NAP1L1: variants seen among roughly 807,000 people sequenced by gnomAD.
NAP1L1 encodes nucleosome assembly protein 1 like 1.
In NAP1L1, 9 loss-of-function variants were observed where a neutral mutation model predicts 58.9. The ratio of observed to expected loss-of-function variants is 0.15; its 90% CI spans 0.09 to 0.27. The LOEUF (loss-of-function observed/expected upper bound fraction) is 0.27, where lower values mean the gene tolerates loss of function less well. Among genes scored for constraint, NAP1L1 ranks in the 10% least tolerant of loss-of-function variants. The pLI, the probability that NAP1L1 is intolerant of heterozygous loss-of-function variation, is 1.00. For missense variants in NAP1L1, 302 were observed against 458.8 expected, an observed-to-expected ratio of 0.66 and a Z score of 3.12; for synonymous variants, 130 against 138.3, an observed-to-expected ratio of 0.94 and a Z score of 0.42.
chr12:76,073,545 A>C (rs1474212348), intron 2 of NAP1L1, among the ~76,000 whole-genome samples: 1 of 152,176 alleles, frequency 6.6e-6, no homozygotes. Flanking sequence ...TATGACCCAG[A>C]TAGTCTTTCT....
In NAP1L1 at chr12:76,047,604, G is replaced by A. The variant is rs979511913; in HGVS notation, c.*825C>T. 2.0e-5 allele frequency: 3 copies of A among 151,748 alleles called. No homozygotes were observed. Among genetic ancestry groups the A allele is most frequent in the Non-Finnish European group, 4.4e-5 (3 of 67,816 alleles). 9.4% of individuals were successfully genotyped at this position (151,748 alleles called of 1,614,324 possible). On this transcript the variant is annotated 3_prime_UTR_variant, in exon 15 of 15. Transcript: ENST00000618691. Reference sequence around the variant, plus strand: ...TCTTGTAAGAACTAAAATTGTATTTGAAATTTTTATTTTAGCTGCAAAAAC... The same window carrying A: ...TCTTGTAAGAACTAAAATTGTATTTAAAATTTTTATTTTAGCTGCAAAAAC...
Position 76,053,217 on chromosome 12 carries a change from C to CA in NAP1L1, c.903dup (p.Ala302CysfsTer4). On this transcript the variant is annotated frameshift_variant, in exon 10 of 15. Transcript: ENST00000618691. LOFTEE classifies it high-confidence loss of function. ...AAACATTATTTACCTTCAGGAGGGG[C>CA]AAAAAAGTTAAAGAAAGAGTCATTG... is the stretch of plus-strand genomic sequence containing the variant. The CA allele has an allele frequency of 6.2e-7, 1 of 1,613,660 alleles. No individual in the cohort carries two copies. The highest frequency in any genetic ancestry group is 8.5e-7 in the Non-Finnish European group (1 of 1,179,840).
At chr12:76,061,410 T>C (rs1056476863) in intron 4 of NAP1L1, among the ~76,000 whole-genome samples, 2 of 152,190 alleles carry the variant, frequency 1.3e-5, no homozygotes, top group African/African-American at 4.8e-5. Context: ...GTTAGTTTGT[T>C]AAGGATAATA....
intron 2 of NAP1L1, among the ~76,000 whole-genome samples, chr12:76,073,156 G>GC (rs904597388): frequency 6.0e-5 from 9 of 150,340 alleles, no homozygotes; most frequent in African/African-American, 2.2e-4. Context: ...TCACTCATCT[G>GC]TTTTTTTTTA....
In NAP1L1 at chr12:76,056,026, A is replaced by C. The variant is rs753838886; in HGVS notation, c.558+7T>G. The C allele has an allele frequency of 6.2e-7, 1 of 1,610,166 alleles. No individual in the cohort carries two copies. The highest frequency in any genetic ancestry group is 1.3e-5 in the African/African-American group (1 of 74,676). On this transcript the variant is annotated splice_region_variant and intron_variant, in intron 7 of 14. Transcript: ENST00000618691. ...AAGTAAACTGGTACATTTATGAATAAAATTACCTGAACCATATCACTGAGC... is the reference window on the plus strand; with the variant it reads ...AAGTAAACTGGTACATTTATGAATACAATTACCTGAACCATATCACTGAGC...
chr12:76,081,228 G>A (rs1173623078), intron 1 of NAP1L1, among the ~76,000 whole-genome samples: 1 of 152,070 alleles, frequency 6.6e-6, no homozygotes, highest in Non-Finnish European at 1.5e-5. Flanking sequence ...CACTGCTCAC[G>A]TACGTAACCA....
intron 1 of NAP1L1, among the ~76,000 whole-genome samples, chr12:76,084,275 C>G (rs1057214399): frequency 6.6e-6 from 1 of 152,186 alleles, no homozygotes; most frequent in South Asian, 2.1e-4. Flanking sequence ...CTCCGGTCCA[C>G]GCGGAAAAGA....
At chr12:76,058,488 G>A (rs535999105) in intron 6 of NAP1L1, among the ~76,000 whole-genome samples, 1 of 151,176 alleles carries the variant, frequency 6.6e-6, no homozygotes, top group South Asian at 2.1e-4. Flanking sequence ...CCGAGTTCAA[G>A]TGATTCTCCT....
intron 6 of NAP1L1, chr12:76,057,477 A>T (rs1443255393): frequency 1.5e-6 from 1 of 653,510 alleles, no homozygotes; most frequent in East Asian, 2.9e-5. Context: ...TTGTCGGCTC[A>T]GCTGGCAACA....
At chr12:76,077,609 C>A (rs1438780947) in intron 1 of NAP1L1, among the ~76,000 whole-genome samples, 1 of 152,098 alleles carries the variant, frequency 6.6e-6, no homozygotes, top group Non-Finnish European at 1.5e-5. Flanking sequence ...ATTTGTTATA[C>A]ATTAAATTGC....
intron 2 of NAP1L1, among the ~76,000 whole-genome samples, chr12:76,070,935 C>T (rs1949925990): frequency 6.6e-6 from 1 of 152,098 alleles, no homozygotes. Context: ...TTCCGGAAGC[C>T]AAGGCAAGAG....
In NAP1L1 at chr12:76,037,237, T is replaced by A. The variant is rs1336272543; in HGVS notation, c.*11192A>T. On this transcript the variant is annotated 3_prime_UTR_variant, in exon 15 of 15. Transcript: ENST00000618691. Reference sequence around the variant, plus strand: ...TTAACACAGAACTATCCAGACTTCTTAGGTGGGTGTCCAGAGCTGCCTTCC... The same window carrying A: ...TTAACACAGAACTATCCAGACTTCTAAGGTGGGTGTCCAGAGCTGCCTTCC... 1 of 152,248 alleles carries A rather than the reference T, an allele frequency of 6.6e-6. No individual in the cohort carries two copies. The highest frequency in any genetic ancestry group is 1.5e-5 in the Non-Finnish European group (1 of 68,058). 9.4% of individuals were successfully genotyped at this position (152,248 alleles called of 1,614,324 possible). A position where few individuals can be genotyped will look rare whatever the true frequency, so the allele number is the denominator to read the frequency against.
chr12:76,062,905 C>G (rs1949484016), intron 4 of NAP1L1, among the ~76,000 whole-genome samples: 1 of 151,972 alleles, frequency 6.6e-6, no homozygotes, highest in Non-Finnish European at 1.5e-5. Flanking sequence ...TAAAGGTGTC[C>G]AGTGAGAAAG....
intron 3 of NAP1L1, chr12:76,067,690 C>T (rs919977563): frequency 2.4e-6 from 1 of 423,854 alleles, no homozygotes; most frequent in Non-Finnish European, 4.3e-6. Context: ...CTAGTCAAGA[C>T]AGTTCTCAAG....
chr12:76,050,401 G>A (rs1948762880), intron 12 of NAP1L1, 130 bp downstream of exon 12: 1 of 1,155,774 alleles, frequency 8.7e-7, no homozygotes. Context: ...GCTATATACA[G>A]AACATCAGTA....
At chr12:76,064,753 CT>C (rs1471367502) in intron 4 of NAP1L1, among the ~76,000 whole-genome samples, 1 of 151,556 alleles carries the variant, frequency 6.6e-6, no homozygotes, top group Non-Finnish European at 1.5e-5. Context: ...AAATATGAAA[CT>C]CCAAAACTGA....
intron 9 of NAP1L1, 30 bp from the exon 10 acceptor site, chr12:76,053,380 C>A (rs1314015936): frequency 6.3e-7 from 1 of 1,595,744 alleles, no homozygotes; most frequent in Admixed American, 1.8e-5. Flanking sequence ...AAATCTATTA[C>A]AATTGACAAT....
At chr12:76,049,848 G>GT in intron 12 of NAP1L1, 63 bp from the exon 13 acceptor site, 2 of 1,564,154 alleles carry the variant, frequency 1.3e-6, no homozygotes, top group Non-Finnish European at 1.8e-6. Flanking sequence ...AGTAGCATCA[G>GT]TAACATTTAT....
rs566125949 is a variant in NAP1L1 at position 76,036,969 on chromosome 12, G to T, written c.*11460C>A. The T allele has an allele frequency of 6.6e-6, 1 of 152,076 alleles. No individual in the cohort carries two copies. Among genetic ancestry groups the T allele is most frequent in the Non-Finnish European group, 1.5e-5 (1 of 68,026 alleles). The allele number at this position is 152,076 out of a possible 1,614,324, so 9.4% of individuals were successfully genotyped here. On this transcript the variant is annotated 3_prime_UTR_variant, in exon 15 of 15. Transcript: ENST00000618691. ...TGTAATCCCAGCTACTCGGGAGGCT[G>T]AGGCAGGAGAATTGCTTGAGCCAGG...
Sources: allele counts gnomAD v4.1 joint callset (sites outside exome capture counted in the v4.1 genomes callset), GRCh38; gene constraint gnomAD v4.1.1; transcripts MANE v1.5; gene names NCBI Gene and HGNC (gene_info 2026-07-23, HGNC 2026-07-21).